AKAP13: variants seen among roughly 807,000 people sequenced by gnomAD.
The protein encoded by AKAP13 is A-kinase anchor protein 13.
In AKAP13, 80 loss-of-function variants were observed where a neutral mutation model predicts 264.5. The observed-to-expected ratio is 0.30, with a 90% confidence interval of 0.25 to 0.36. The LOEUF is 0.36. AKAP13 is among the 10% of genes least tolerant of loss of function. The pLI is 1.00. For synonymous variants in AKAP13, 1,380 were observed against 1,250.2 expected, an observed-to-expected ratio of 1.10 and a Z score of -2.19; for missense variants, 3,712 against 3,435.2, an observed-to-expected ratio of 1.08 and a Z score of -2.01.
chr15:85,581,760 C>T lies in AKAP13; in HGVS notation c.3692C>T (p.Pro1231Leu). The T allele has an allele frequency of 6.2e-7, 1 of 1,614,178 alleles. No individual in the cohort carries two copies. ...AGGGAAAGGAGCACTCCCTCTCTAC[C>T]TTGCATGGTCTCTGCCCAGGACGCA... ...SGRERSTPSL[P>L]CMVSAQDAPL... The change falls in exon 7 of 37, where the codon CCT becomes CTT. Residue 1231 changes from proline (P) to leucine (L), a missense_variant. Pro to Leu is a moderately conservative substitution (Grantham distance 98, BLOSUM62 -3). Coordinates refer to ENST00000394518, the MANE Select transcript of AKAP13 (RefSeq NM_007200.5).
At chr15:85,675,174 G>A (rs1252834286) in intron 14 of AKAP13, among the ~76,000 whole-genome samples, 2 of 152,126 alleles carry the variant, frequency 1.3e-5, no homozygotes, top group Non-Finnish European at 2.9e-5. Flanking sequence ...GACACATGAA[G>A]GAGATGTTCT....
At position 85,503,231 on chromosome 15, in the gene AKAP13, TATA is replaced by T. The variant is rs1353309797; in HGVS notation, c.33+17484_33+17486del. On this transcript the variant is annotated intron_variant, in intron 2 of 36. Coordinates refer to ENST00000394518, the MANE Select transcript of AKAP13 (RefSeq NM_007200.5). The stretch of plus-strand genomic sequence containing the variant: ...ATTTCATGCATTTCAGATATGGGAT[TATA>T]ATAATTTCCATCCTCTTAGAGTTTA... Among the ~76,000 whole-genome samples, 4 of 152,336 alleles carry T rather than the reference TATA, an allele frequency of 2.6e-5. No individual in the cohort carries two copies. In the East Asian group the frequency reaches 7.7e-4, roughly 29 times the overall value.
intron 5 of AKAP13, among the ~76,000 whole-genome samples, chr15:85,545,916 C>A (rs987469954): frequency 1.3e-5 from 2 of 152,268 alleles, no homozygotes; most frequent in Non-Finnish European, 2.9e-5. Flanking sequence ...ACCATCACAA[C>A]ACTCACAGAG....
At chr15:85,696,139 T>G (rs955335076) in intron 17 of AKAP13, among the ~76,000 whole-genome samples, 1 of 152,256 alleles carries the variant, frequency 6.6e-6, no homozygotes, top group Non-Finnish European at 1.5e-5. Context: ...TTTCTTGTTT[T>G]CTGGTTAGTT....
At chr15:85,501,485 A>C (rs1211161566) in intron 2 of AKAP13, among the ~76,000 whole-genome samples, 2 of 152,166 alleles carry the variant, frequency 1.3e-5, no homozygotes, top group Non-Finnish European at 2.9e-5. Flanking sequence ...CATTTGCCAT[A>C]CTGTATATGT....
intron 1 of AKAP13, among the ~76,000 whole-genome samples, chr15:85,442,986 T>C (rs997658316): frequency 6.6e-6 from 1 of 152,126 alleles, no homozygotes; most frequent in African/African-American, 2.4e-5. Flanking sequence ...ACTCCCTGCT[T>C]TTTTTAGGCT....
chr15:85,603,733 G>C (rs1383804601), intron 8 of AKAP13, among the ~76,000 whole-genome samples: 1 of 152,180 alleles, frequency 6.6e-6, no homozygotes, highest in African/African-American at 2.4e-5. Context: ...TGCCTGAAAT[G>C]CATCTCTGGA....
At chr15:85,590,471 T>A (rs1219089718) in intron 8 of AKAP13, among the ~76,000 whole-genome samples, 2 of 152,232 alleles carry the variant, frequency 1.3e-5, no homozygotes, top group East Asian at 3.8e-4. Flanking sequence ...TTGACACATG[T>A]ATTGTAAATA....
intron 5 of AKAP13, among the ~76,000 whole-genome samples, chr15:85,567,030 T>C (rs1228780421): frequency 6.6e-6 from 1 of 152,226 alleles, no homozygotes; most frequent in East Asian, 1.9e-4. Context: ...TCTAGATGCA[T>C]AGTAATGTAG....
chr15:85,682,659 C>T lies in AKAP13; in HGVS notation c.5156+447C>T, dbSNP rs374124110. Among the ~76,000 whole-genome samples the T allele has an allele frequency of 2.0e-4, 31 of 152,176 alleles. No individual in the cohort carries two copies. In the East Asian group the frequency reaches 5.0e-3, roughly 25 times the overall value. On this transcript the variant is annotated intron_variant, in intron 15 of 36. Coordinates refer to ENST00000394518, the MANE Select transcript of AKAP13 (RefSeq NM_007200.5). ...TGATACATAGCTCTGTCGAAGTAAA[C>T]GAATTGATTCTTTTTTTTTTCTTTT... is the stretch of plus-strand genomic sequence containing the variant.
At chr15:85,407,773 G>T (rs899831263) in intron 1 of AKAP13, among the ~76,000 whole-genome samples, 19 of 151,712 alleles carry the variant, frequency 1.3e-4, no homozygotes, top group Non-Finnish European at 1.8e-4. Context: ...CTTTTAGTTT[G>T]TCCTCTTGAA....
chr15:85,743,365 G>A, intron 35 of AKAP13, 127 bp from the exon 36 acceptor site: 1 of 954,382 alleles, frequency 1.0e-6, no homozygotes, highest in South Asian at 1.6e-5. Flanking sequence ...CGTGAGCTCT[G>A]TAGAGTTCGC....
chr15:85,632,356 A>G (rs2081876292), intron 8 of AKAP13, among the ~76,000 whole-genome samples: 1 of 152,240 alleles, frequency 6.6e-6, no homozygotes, highest in Admixed American at 6.5e-5. Flanking sequence ...TACAGTGGAC[A>G]GTAAGCCTGT....
rs1596577016 is a variant in AKAP13, at chr15:85,575,119, G to A, written c.663-12G>A. 6.2e-7 allele frequency: 1 copy of A among 1,613,170 alleles called. No individual in the cohort carries two copies. Among genetic ancestry groups the A allele is most frequent in the Non-Finnish European group, 8.5e-7 (1 of 1,179,210 alleles). On this transcript the variant is annotated splice_polypyrimidine_tract_variant and intron_variant, in intron 5 of 36. Transcript: ENST00000394518. ...GAATGTATATATATTAACCAGAGAT[G>A]CTTGCATGTAGGGAGAATGCTGGAG...
At chr15:85,686,543 C>T (rs1292574891) in intron 16 of AKAP13, among the ~76,000 whole-genome samples, 1 of 151,678 alleles carries the variant, frequency 6.6e-6, no homozygotes, top group Non-Finnish European at 1.5e-5. Flanking sequence ...TGCAAAGAGT[C>T]TAGCAAATTA....
chr15:85,744,769 C>G lies in AKAP13; in HGVS notation c.*92C>G. The stretch of plus-strand genomic sequence containing the variant: ...GCGTGCACAAGTCTCTTACACTGGA[C>G]GCCCACTGCTCCTCAGCGTCCAGTC... On this transcript the variant is annotated 3_prime_UTR_variant, in exon 37 of 37. Coordinates refer to ENST00000394518, the MANE Select transcript of AKAP13 (RefSeq NM_007200.5). 8.2e-7 allele frequency: 1 copy of G among 1,218,760 alleles called. No homozygotes were observed. Among genetic ancestry groups the G allele is most frequent in the South Asian group, 1.5e-5 (1 of 67,906 alleles). 75.5% of individuals were successfully genotyped at this position (1,218,760 alleles called of 1,614,324 possible). A position where few individuals can be genotyped will look rare whatever the true frequency, so the allele number is the denominator to read the frequency against.
intron 18 of AKAP13, 128 bp from the exon 19 acceptor site, chr15:85,710,451 A>C (rs886689592): frequency 3.9e-6 from 3 of 766,136 alleles, no homozygotes; most frequent in Non-Finnish European, 6.2e-6. Context: ...TGGCTGGGAC[A>C]CAGGGTGCTT....
chr15:85,718,428 T>A lies in AKAP13; in HGVS notation c.6001+269T>A, dbSNP rs338527. On this transcript the variant is annotated intron_variant, in intron 22 of 36. Coordinates refer to ENST00000394518, the MANE Select transcript of AKAP13 (RefSeq NM_007200.5). The surrounding 1 kb of genome is among the most constrained non-coding windows in gnomAD (Gnocchi z 4.9). ...TCCTAGAAAGAGATATCTCAGTTTT[T>A]TTCCTTACCTACACTAAAAACTAGA... 6.6e-6 allele frequency among the ~76,000 whole-genome samples: 1 copy of A among 151,864 alleles called. No individual in the cohort carries two copies. The highest frequency in any genetic ancestry group is 1.5e-5 in the Non-Finnish European group (1 of 67,966).
chr15:85,665,852 C>T (rs541129242), intron 13 of AKAP13, among the ~76,000 whole-genome samples: 1 of 152,218 alleles, frequency 6.6e-6, no homozygotes, highest in African/African-American at 2.4e-5. Flanking sequence ...CTGCAAAGGA[C>T]ATGAACTCAT....
Sources: allele counts gnomAD v4.1 joint callset (sites outside exome capture counted in the v4.1 genomes callset), GRCh38; gene constraint gnomAD v4.1.1; non-coding constraint Gnocchi (gnomAD v3.1); transcripts MANE v1.5; gene names NCBI Gene and HGNC (gene_info 2026-07-23, HGNC 2026-07-21).